Variants in SPATA13 observed in about 807,000 individuals in gnomAD.
SPATA13 encodes spermatogenesis-associated protein 13.
In SPATA13, 50 loss-of-function variants were observed where a neutral mutation model predicts 104.0. The observed-to-expected ratio is 0.48, with a 90% CI of 0.38 to 0.61. The LOEUF is 0.61. Ranked by LOEUF, SPATA13 falls within the 20% of genes least tolerant of loss-of-function variation. SPATA13 has a pLI of 0.00. For missense variants in SPATA13, 1,524 were observed against 1,690.6 expected (o/e 0.90, Z 1.73); for synonymous variants, 606 against 667.5 (o/e 0.91, Z 1.42).
At chr13:24,017,787 C>T in intron 3 of SPATA13, 5 of 790,502 alleles carry the variant, frequency 6.3e-6, no homozygotes, top group Non-Finnish European at 7.7e-6. Flanking sequence ...ATTGTATAAT[C>T]TGTATGTTAA....
chr13:24,084,757 C>T (rs150013878), intron 3 of SPATA13, among the ~76,000 whole-genome samples: 24 of 152,266 alleles, frequency 1.6e-4, no homozygotes, highest in East Asian at 1.5e-3. Context: ...CAGTGGCTCA[C>T]ATCTGTAATC....
chr13:24,013,947 T>C (rs1227985139), intron 2 of SPATA13, among the ~76,000 whole-genome samples: 2 of 152,174 alleles, frequency 1.3e-5, no homozygotes, highest in African/African-American at 4.8e-5. Flanking sequence ...TTTAAGCTGT[T>C]GTGCTGTACT....
At chr13:24,077,262 C>CAAAAAAAAA (rs60810328) in intron 3 of SPATA13, among the ~76,000 whole-genome samples, 4 of 73,038 alleles carry the variant, frequency 5.5e-5, no homozygotes, top group Non-Finnish European at 1.0e-4. Context: ...GACTCCATGT[C>CAAAAAAAAA]AAAAAAAAAA....
chr13:24,063,583 A>G (rs967884161), intron 3 of SPATA13, among the ~76,000 whole-genome samples: 4 of 151,798 alleles, frequency 2.6e-5, no homozygotes, highest in Admixed American at 6.6e-5. Flanking sequence ...ATGTTCCTCC[A>G]TGTCCTTGCT....
chr13:24,271,037 TCTCA>T (rs1334146185), intron 4 of SPATA13: 5 of 702,222 alleles, frequency 7.1e-6, no homozygotes, highest in East Asian at 2.7e-5. Flanking sequence ...TCTCTCTCTC[TCTCA>T]CTCTCTCTCT....
exon 1 of SPATA13, chr13:23,979,852 C>A (rs2810690): frequency 0.02 from 3,010 of 152,628 alleles, 99 homozygotes; most frequent in African/African-American, 0.066. Flanking sequence ...CCTTCCTCCC[C>A]CTTCCAGCTC....
chr13:24,302,677 C>T lies in SPATA13; in HGVS notation c.3738C>T (p.Ser1246=), dbSNP rs781366936. The change falls in exon 13 of 13, where the codon AGC becomes AGT. Residue 1246 remains serine (S), a synonymous_variant. Transcript: ENST00000382108. ...AGCGCCACATCACTATGCCCACAAG[C>T]GTCCCCCAGCAGCAGGTCTTTGGCC... ...IHQRHITMPT[S]VPQQQVFGLA... 1.3e-5 allele frequency: 21 copies of T among 1,613,968 alleles called. No individual in the cohort carries two copies. Among genetic ancestry groups the T allele is most frequent in the East Asian group, 8.9e-5 (4 of 44,892 alleles).
intron 3 of SPATA13, among the ~76,000 whole-genome samples, chr13:24,142,975 A>G (rs1430774723): frequency 6.6e-6 from 1 of 152,142 alleles, no homozygotes; most frequent in African/African-American, 2.4e-5. Flanking sequence ...ACTGGTTACA[A>G]ACTGCTTCGG....
chr13:24,112,544 T>C (rs901567465), intron 3 of SPATA13, among the ~76,000 whole-genome samples: 2 of 146,784 alleles, frequency 1.4e-5, no homozygotes, highest in African/African-American at 5.4e-5. Flanking sequence ...CCATTTCTTG[T>C]GCCAGGCATA....
intron 12 of SPATA13, 98 bp downstream of exon 12, chr13:24,300,573 C>A: frequency 1.9e-6 from 2 of 1,072,742 alleles, no homozygotes; most frequent in Non-Finnish European, 2.8e-6. Flanking sequence ...CAGCTTGGAG[C>A]AAGGAGAACA....
At chr13:24,042,674 C>T in intron 3 of SPATA13, among the ~76,000 whole-genome samples, 1 of 152,232 alleles carries the variant, frequency 6.6e-6, no homozygotes. Context: ...AAGGGGAGAG[C>T]TTCTCAAAAT....
intron 1 of SPATA13, among the ~76,000 whole-genome samples, chr13:24,218,381 G>A (rs1277606867): frequency 1.3e-5 from 2 of 152,140 alleles, no homozygotes; most frequent in African/African-American, 4.8e-5. Context: ...AGGTAGCAGT[G>A]CTGGGGTGGA....
At chr13:24,193,265 G>A (rs1221459119) in intron 1 of SPATA13, among the ~76,000 whole-genome samples, 1 of 152,152 alleles carries the variant, frequency 6.6e-6, no homozygotes, top group African/African-American at 2.4e-5. Context: ...AAATGGACAG[G>A]AGGGAATGAC....
intron 1 of SPATA13, among the ~76,000 whole-genome samples, chr13:24,193,269 G>T (rs538907020): frequency 1.7e-4 from 26 of 152,224 alleles, no homozygotes; most frequent in Non-Finnish European, 1.5e-4. Flanking sequence ...GGACAGGAGG[G>T]AATGACTCCA....
intron 2 of SPATA13, among the ~76,000 whole-genome samples, chr13:24,014,727 A>T (rs1876630635): frequency 6.6e-6 from 1 of 152,098 alleles, no homozygotes; most frequent in Admixed American, 6.5e-5. Flanking sequence ...GTTTAGTGAA[A>T]CTGATGAGAG....
chr13:24,019,380 A>T (rs7321200), intron 3 of SPATA13, among the ~76,000 whole-genome samples: 1 of 152,030 alleles, frequency 6.6e-6, no homozygotes, highest in Non-Finnish European at 1.5e-5. Context: ...GAGCCACCAC[A>T]CCCGGCCATG....
intron 2 of SPATA13, among the ~76,000 whole-genome samples, chr13:24,008,220 T>C (rs1027857059): frequency 6.6e-6 from 1 of 152,256 alleles, no homozygotes; most frequent in South Asian, 2.1e-4. Context: ...CTAAAGCTCT[T>C]GATGATCAGA....
chr13:24,189,379 C>A (rs1339724079), intron 1 of SPATA13, among the ~76,000 whole-genome samples: 1 of 150,704 alleles, frequency 6.6e-6, no homozygotes, highest in East Asian at 1.9e-4. Flanking sequence ...GAGGCTGAGG[C>A]AGGAGAATGG....
chr13:24,165,196 G>T (rs1355919242), intron 1 of SPATA13, among the ~76,000 whole-genome samples: 1 of 152,154 alleles, frequency 6.6e-6, no homozygotes, highest in African/African-American at 2.4e-5. Flanking sequence ...TTTCCCTGAA[G>T]CGGGACTGCC....
Sources: gnomAD v4.1 joint callset for allele counts (sites outside exome capture counted in the v4.1 genomes callset) on GRCh38, gnomAD v4.1.1 for gene constraint, MANE v1.5 for transcripts, NCBI Gene and HGNC (gene_info 2026-07-23, HGNC 2026-07-21) for gene names.